Variants in GRK5 observed in about 807,000 individuals in gnomAD.
GRK5 encodes g protein-coupled receptor kinase GRK5.
Under a neutral mutation model 78.4 loss-of-function variants are expected in GRK5, and 40 were observed. That is an observed-to-expected ratio of 0.51 (90% confidence interval 0.40 to 0.66). The LOEUF (loss-of-function observed/expected upper bound fraction) is 0.66. Ranked by LOEUF, GRK5 falls within the 30% of genes least tolerant of loss-of-function variation. The pLI is 0.00. For missense variants in GRK5, 598 were observed against 759.9 expected (o/e 0.79, Z 2.50); for synonymous variants, 289 against 296.8 (o/e 0.97, Z 0.27).
At chr10:119,327,505 C>T (rs894601010) in intron 2 of GRK5, among the ~76,000 whole-genome samples, 26 of 152,322 alleles carry the variant, frequency 1.7e-4, no homozygotes, top group East Asian at 5.8e-4. Context: ...AGGCTGGGCA[C>T]GGGGTGGTGC....
intron 4 of GRK5, among the ~76,000 whole-genome samples, chr10:119,410,083 C>G (rs1184790851): frequency 1.3e-5 from 2 of 152,384 alleles, no homozygotes; most frequent in East Asian, 3.9e-4. Flanking sequence ...GCGTCATCTC[C>G]TGTTGCACAC....
chr10:119,410,111 C>T (rs574884695), intron 4 of GRK5, among the ~76,000 whole-genome samples: 23 of 152,278 alleles, frequency 1.5e-4, no homozygotes, highest in African/African-American at 5.1e-4. Flanking sequence ...CTGCGGGTCA[C>T]GACCAGGGAT....
chr10:119,345,195 C>G, intron 2 of GRK5, among the ~76,000 whole-genome samples: 1 of 152,112 alleles, frequency 6.6e-6, no homozygotes, highest in Non-Finnish European at 1.5e-5. Flanking sequence ...GTCTCGATCT[C>G]CTGACCTCAT....
At chr10:119,329,965 C>G (rs1850741752) in intron 2 of GRK5, among the ~76,000 whole-genome samples, 1 of 147,384 alleles carries the variant, frequency 6.8e-6, no homozygotes, top group Non-Finnish European at 1.5e-5. Context: ...TGGGTTCAAG[C>G]AATTCTTGTG....
intron 3 of GRK5, among the ~76,000 whole-genome samples, chr10:119,394,747 GTC>G (rs55863831): frequency 1.1e-4 from 11 of 98,696 alleles, no homozygotes; most frequent in South Asian, 6.5e-4. Context: ...GTGTGTGTGT[GTC>G]TGTGTGTGGG....
chr10:119,291,195 C>T (rs1001562915), intron 1 of GRK5, among the ~76,000 whole-genome samples: 14 of 152,102 alleles, frequency 9.2e-5, no homozygotes, highest in African/African-American at 3.4e-4. Flanking sequence ...CTTCATGTTT[C>T]GTGTAGACTG....
intron 2 of GRK5, among the ~76,000 whole-genome samples, chr10:119,344,891 TTCCTTCC>T (rs1851055338): frequency 7.8e-6 from 1 of 127,988 alleles, no homozygotes; most frequent in African/African-American, 3.0e-5. Context: ...CCTTCCTTCC[TTCCTTCC>T]TTCCTTCCTT....
At position 119,268,094 on chromosome 10, in the gene GRK5, A is replaced by G. The variant is rs183587658; in HGVS notation, c.53-58422A>G. On this transcript the variant is annotated intron_variant, in intron 1 of 15. Transcript: ENST00000392870. ...AACAAGGTAGAGACGGCTGGCACTCACTGTCTCTGTTGTGGACACTGGCCT... is the reference window on the plus strand; with the variant it reads ...AACAAGGTAGAGACGGCTGGCACTCGCTGTCTCTGTTGTGGACACTGGCCT... Among the ~76,000 whole-genome samples the G allele has an allele frequency of 1.1e-4, 17 of 152,290 alleles. No homozygotes were observed. The East Asian group carries it at 3.3e-3, about 29-fold the overall frequency.
intron 3 of GRK5, among the ~76,000 whole-genome samples, chr10:119,395,891 G>A (rs774935245): frequency 1.1e-4 from 17 of 152,074 alleles, no homozygotes; most frequent in Non-Finnish European, 2.2e-4. Flanking sequence ...GCCGGCCCTC[G>A]GGATCTCCAC....
At chr10:119,299,960 C>T (rs1446658991) in intron 1 of GRK5, among the ~76,000 whole-genome samples, 1 of 152,270 alleles carries the variant, frequency 6.6e-6, no homozygotes, top group Non-Finnish European at 1.5e-5. Context: ...TAGCCCTCCC[C>T]CTTCCCCACC....
intron 2 of GRK5, among the ~76,000 whole-genome samples, chr10:119,354,395 C>CTTTTTTTTT (rs60146483): frequency 6.8e-5 from 6 of 87,814 alleles, no homozygotes; most frequent in Admixed American, 3.2e-4. Context: ...CCTACATCTC[C>CTTTTTTTTT]TTTTTTTTTT....
intron 4 of GRK5, among the ~76,000 whole-genome samples, chr10:119,409,960 A>G (rs1241349263): frequency 6.6e-6 from 1 of 152,100 alleles, no homozygotes; most frequent in Admixed American, 6.5e-5. Context: ...CATTGGCCTG[A>G]GCGGAGCTGG....
intron 1 of GRK5, among the ~76,000 whole-genome samples, chr10:119,209,057 C>T (rs751955680): frequency 1.5e-4 from 23 of 152,086 alleles, no homozygotes; most frequent in Non-Finnish European, 2.8e-4. Context: ...GAAGGATACT[C>T]GGTGAGCAGC....
chr10:119,273,178 T>G (rs886298785), intron 1 of GRK5, among the ~76,000 whole-genome samples: 2 of 152,100 alleles, frequency 1.3e-5, no homozygotes, highest in African/African-American at 4.8e-5. Flanking sequence ...GGGTCATGAG[T>G]AGACAGAATG....
Position 119,443,698 on chromosome 10 carries a change from G to A in GRK5, c.1212G>A (p.Thr404=), listed in dbSNP as rs140383080. The change falls in exon 12 of 16, where the codon ACG becomes ACA. Residue 404 remains threonine, a synonymous_variant. Coordinates refer to ENST00000392870, the MANE Select transcript of GRK5 (RefSeq NM_005308.3). ...REEVDRRVLE[T]EEVYSHKFSE... ...AGGTGGACCGCCGGGTCCTGGAGAC[G>A]GAGGAGGTGTACTCCCACAAGTTCT... The A allele has an allele frequency of 6.8e-6, 11 of 1,612,966 alleles. No individual in the cohort carries two copies. Among genetic ancestry groups the A allele is most frequent in the Middle Eastern group, 1.6e-4 (1 of 6,068 alleles).
At chr10:119,426,876 A>G (rs1307182170) in intron 6 of GRK5, among the ~76,000 whole-genome samples, 2 of 152,236 alleles carry the variant, frequency 1.3e-5, no homozygotes, top group Non-Finnish European at 2.9e-5. Flanking sequence ...TGCCATCAAC[A>G]GCATCACTGC....
At position 119,410,048 on chromosome 10, in the gene GRK5, C is replaced by T. The variant is rs59230453; in HGVS notation, c.340-13118C>T. ...AGCTGCGCCGGGTCCCGCGAGCCCCCGCGTGCGCGGCCTGTGTAAACAGTG... is the reference window on the plus strand; with the variant it reads ...AGCTGCGCCGGGTCCCGCGAGCCCCTGCGTGCGCGGCCTGTGTAAACAGTG... On this transcript the variant is annotated intron_variant, in intron 4 of 15. Coordinates refer to ENST00000392870, the MANE Select transcript of GRK5 (RefSeq NM_005308.3). Among the ~76,000 whole-genome samples the T allele has an allele frequency of 7.2e-5, 11 of 152,372 alleles. No homozygotes were observed. In the East Asian group the frequency reaches 1.2e-3, roughly 16 times the overall value.
At chr10:119,300,235 G>A (rs930338585) in intron 1 of GRK5, among the ~76,000 whole-genome samples, 9 of 152,198 alleles carry the variant, frequency 5.9e-5, no homozygotes, top group African/African-American at 1.9e-4. Flanking sequence ...ATGGAGAGGT[G>A]TGCAGGAAGT....
At chr10:119,293,534 T>C (rs1003600699) in intron 1 of GRK5, among the ~76,000 whole-genome samples, 1 of 152,254 alleles carries the variant, frequency 6.6e-6, no homozygotes. Flanking sequence ...GGTCTGTCAC[T>C]CTGGTGACCT....
Sources: gnomAD v4.1 joint callset for allele counts (sites outside exome capture counted in the v4.1 genomes callset) on GRCh38, gnomAD v4.1.1 for gene constraint, MANE v1.5 for transcripts, NCBI Gene and HGNC (gene_info 2026-07-23, HGNC 2026-07-21) for gene names.